The following NOS2 variants were observed in gnomAD, a reference collection of about 807,000 sequenced individuals.
NOS2 encodes the protein nitric oxide synthase, inducible.
Under a neutral mutation model 136.0 loss-of-function variants are expected in NOS2, and 96 were observed. That is an observed-to-expected ratio of 0.71 (90% CI 0.60 to 0.84). The LOEUF is 0.84. NOS2 is among the 40% of genes least tolerant of loss of function. The pLI is 0.00. For synonymous variants in NOS2, 539 were observed against 587.5 expected, an observed-to-expected ratio of 0.92 and a Z score of 1.20; for missense variants, 1,237 against 1,496.9, an observed-to-expected ratio of 0.83 and a Z score of 2.87.
intron 19 of NOS2, 119 bp from the exon 20 acceptor site, chr17:27,765,835 A>C: frequency 9.0e-7 from 1 of 1,114,238 alleles, no homozygotes; most frequent in Non-Finnish European, 1.3e-6. Context: ...CTGGTTCCAC[A>C]AGCTAGGCCA....
At chr17:27,765,240 G>A (rs1219218439) in intron 20 of NOS2, among the ~76,000 whole-genome samples, 3 of 152,150 alleles carry the variant, frequency 2.0e-5, no homozygotes, top group Non-Finnish European at 2.9e-5. Context: ...CACCCACCAC[G>A]GCCTCCCAAA....
chr17:27,763,393 G>A (rs1908199184), intron 21 of NOS2, among the ~76,000 whole-genome samples: 1 of 152,124 alleles, frequency 6.6e-6, no homozygotes, highest in South Asian at 2.1e-4. Flanking sequence ...CTGTCTTGTG[G>A]GGATGTTATG....
intron 5 of NOS2, among the ~76,000 whole-genome samples, chr17:27,785,809 A>T (rs1157238213): frequency 6.6e-6 from 1 of 152,006 alleles, no homozygotes; most frequent in Non-Finnish European, 1.5e-5. Context: ...AATTTAAAAA[A>T]TTAGCTAAGC....
chr17:27,793,649 G>A, intron 2 of NOS2: 2 of 397,178 alleles, frequency 5.0e-6, no homozygotes, highest in Non-Finnish European at 8.9e-6. Flanking sequence ...AGCCTGCACA[G>A]CCGGGGCCCG....
intron 5 of NOS2, among the ~76,000 whole-genome samples, chr17:27,784,644 C>T (rs995518394): frequency 6.6e-6 from 1 of 152,166 alleles, no homozygotes; most frequent in Non-Finnish European, 1.5e-5. Context: ...TTTTCTAAGG[C>T]ATTAGAAATG....
At chr17:27,771,297 G>T (rs1056554476) in intron 14 of NOS2, among the ~76,000 whole-genome samples, 1 of 152,214 alleles carries the variant, frequency 6.6e-6, no homozygotes, top group African/African-American at 2.4e-5. Flanking sequence ...ATGTCTAAAT[G>T]CCTCTCACCA....
chr17:27,770,299 G>C (rs888279008), intron 15 of NOS2, among the ~76,000 whole-genome samples: 2 of 152,024 alleles, frequency 1.3e-5, no homozygotes, highest in African/African-American at 4.8e-5. Flanking sequence ...GACCAACATG[G>C]AGAAACCCCA....
chr17:27,761,149 C>T lies in NOS2; in HGVS notation c.2883G>A (p.Val961=). The T allele has an allele frequency of 6.3e-7, 1 of 1,596,380 alleles. No individual in the cohort carries two copies. The highest frequency in any genetic ancestry group is 8.5e-7 in the Non-Finnish European group (1 of 1,171,840). The change falls in exon 23 of 27, where the codon GTG becomes GTA. Residue 961 remains valine, a synonymous_variant. Coordinates refer to ENST00000313735, the MANE Select transcript of NOS2 (RefSeq NM_000625.4). The part of the protein sequence containing the change: ...LKPQDPVPCF[V]RNASGFHLPE... ...AGAGTGGAAGGGGTGCTTACTTCCG[C>T]ACAAAGCAGGGCACTGGGTCTTGGG...
At position 27,760,710 on chromosome 17, in the gene NOS2, G is replaced by A. The variant is rs1428073668; in HGVS notation, c.2923C>T (p.His975Tyr). The change falls in exon 24 of 27, where the codon CAT (histidine) becomes TAT (tyrosine). Residue 975 changes from histidine (H) to tyrosine (Y), a missense_variant. Around this residue, in one of 3 missense-constraint regions of NOS2, gnomAD observed 782 missense variants for 909.9 expected, o/e 0.86. Coordinates refer to ENST00000313735, the MANE Select transcript of NOS2 (RefSeq NM_000625.4). ...CCAGGCCCGATGAGGATGCAAGGAT[G>A]GGAGGGATCCTCGGGGAGGTGGAAG... ...SGFHLPEDPSHPCILIGPGTG... is the reference protein window; with the variant it reads ...SGFHLPEDPSYPCILIGPGTG... The A allele has an allele frequency of 6.4e-7, 1 of 1,550,548 alleles. No individual in the cohort carries two copies. The highest frequency in any genetic ancestry group is 2.0e-5 in the Admixed American group (1 of 51,014).
rs547631871 is a variant in NOS2, at chr17:27,757,651, C to T, written c.3355-298G>A. Among the ~76,000 whole-genome samples, 6 of 152,322 alleles carry T rather than the reference C, an allele frequency of 3.9e-5. No individual in the cohort carries two copies. In the South Asian group the frequency reaches 6.2e-4, roughly 16 times the overall value. On this transcript the variant is annotated intron_variant, in intron 26 of 26. Transcript: ENST00000313735. ...AGATAAATATGTTTGGGAAATGCTA[C>T]GTCCTTTCTTTCCTTCCAGCCTTGA... is the stretch of plus-strand genomic sequence containing the variant.
chr17:27,765,032 G>A (rs1006676280), intron 20 of NOS2, among the ~76,000 whole-genome samples: 2 of 152,176 alleles, frequency 1.3e-5, no homozygotes, highest in Non-Finnish European at 2.9e-5. Context: ...AGGCTGGAGT[G>A]TAGTGGCGAG....
chr17:27,782,873 G>T (rs1908895176), intron 6 of NOS2, 71 bp downstream of exon 6: 3 of 1,476,516 alleles, frequency 2.0e-6, no homozygotes, highest in Non-Finnish European at 2.8e-6. Flanking sequence ...GCTCTGTGTG[G>T]CTGTTCCAAG....
chr17:27,795,696 C>T (rs1396941769), intron 2 of NOS2, among the ~76,000 whole-genome samples: 2 of 152,198 alleles, frequency 1.3e-5, no homozygotes, highest in Non-Finnish European at 2.9e-5. Flanking sequence ...GGGTCCTCAT[C>T]TTTAAAATGG....
rs372715939 is a variant in NOS2, at chr17:27,778,769, A to G, written c.1202T>C (p.Leu401Pro). 1 of 1,614,176 alleles carries G rather than the reference A, an allele frequency of 6.2e-7. No homozygotes were observed. The highest frequency in any genetic ancestry group is 8.5e-7 in the Non-Finnish European group (1 of 1,180,036). ...ILEEVGRRMG[L>P]ETHKLASLWK... ...GAGCGAGGCCAGCTTGTGCGTTTCC[A>G]GGCCCATTCTCCTGCCCACTTCCTA... The change falls in exon 11 of 27, where the codon CTG becomes CCG. Residue 401 changes from leucine (L) to proline (P), a missense_variant. Leu to Pro is a moderately conservative substitution (Grantham distance 98, BLOSUM62 -3). This residue lies in a region of NOS2 where 440 missense variants were observed against 545.4 expected (regional missense o/e 0.81). Transcript: ENST00000313735.
intron 15 of NOS2, 87 bp downstream of exon 15, chr17:27,770,826 G>A (rs962539070): frequency 2.9e-5 from 27 of 943,136 alleles, no homozygotes; most frequent in African/African-American, 2.1e-4. Context: ...AATGTCCTCC[G>A]TAGGACCTGC....
In NOS2 at chr17:27,766,537, C is replaced by G; in HGVS notation, c.2219G>C (p.Arg740Pro). 1 of 1,614,070 alleles carries G rather than the reference C, an allele frequency of 6.2e-7. No individual in the cohort carries two copies. ...GGATGTCGGACTTTGTAGATTCTGCCGAGATTTGAGCCTCATGGTGAACAC... is the reference window on the plus strand; with the variant it reads ...GGATGTCGGACTTTGTAGATTCTGCGGAGATTTGAGCCTCATGGTGAACAC... ...KNVFTMRLKSRQNLQSPTSSR... is the reference protein window; with the variant it reads ...KNVFTMRLKSPQNLQSPTSSR... Residue 740 changes from arginine (R) to proline (P), a missense_variant, in exon 19 of 27, where the codon CGG becomes CCG. Physicochemically the swap from Arg to Pro is moderately radical, Grantham distance 103 (BLOSUM62 -2). Transcript: ENST00000313735.
chr17:27,766,910 A>G (rs1423581720), intron 18 of NOS2, among the ~76,000 whole-genome samples: 1 of 151,038 alleles, frequency 6.6e-6, no homozygotes, highest in Non-Finnish European at 1.5e-5. Flanking sequence ...CAGCTACACG[A>G]GAATCACTTG....
intron 2 of NOS2, 31 bp downstream of exon 2, chr17:27,798,669 C>A (rs201004527): frequency 3.6e-6 from 5 of 1,402,480 alleles, no homozygotes; most frequent in East Asian, 2.3e-5. Context: ...CCCAAGGAGA[C>A]AAGCAGGAGG....
At chr17:27,766,448 CT>C in intron 19 of NOS2, 61 bp downstream of exon 19, 1 of 1,388,302 alleles carries the variant, frequency 7.2e-7, no homozygotes, top group South Asian at 1.2e-5. Flanking sequence ...TTCTTCTGAT[CT>C]TTCATTCGTT....
Sources: allele counts gnomAD v4.1 joint callset (sites outside exome capture counted in the v4.1 genomes callset), GRCh38; gene constraint gnomAD v4.1.1; regional missense constraint gnomAD v4.1.1; transcripts MANE v1.5; gene names NCBI Gene and HGNC (gene_info 2026-07-23, HGNC 2026-07-21).